SYN2: variants seen among roughly 807,000 people sequenced by gnomAD.
SYN2 encodes the protein synapsin-2.
In SYN2, 19 loss-of-function variants were observed where a neutral mutation model predicts 50.9. That is an observed-to-expected ratio of 0.37 (90% confidence interval 0.26 to 0.55). The LOEUF (loss-of-function observed/expected upper bound fraction) is 0.55, where lower values mean the gene tolerates loss of function less well. Ranked by LOEUF, SYN2 falls within the 20% of genes least tolerant of loss-of-function variation. The pLI is 0.81. For synonymous variants in SYN2, 255 were observed against 224.9 expected (o/e 1.13, Z -1.20); for missense variants, 587 against 576.4 (o/e 1.02, Z -0.19).
At chr3:12,092,700 C>T (rs562418932) in intron 1 of SYN2, among the ~76,000 whole-genome samples, 2 of 152,276 alleles carry the variant, frequency 1.3e-5, no homozygotes, top group South Asian at 4.1e-4. Context: ...GACTGTGTTT[C>T]ATATGTCATT....
chr3:12,114,637 TG>T, intron 1 of SYN2, among the ~76,000 whole-genome samples: 1 of 152,274 alleles, frequency 6.6e-6, no homozygotes, highest in Non-Finnish European at 1.5e-5. Context: ...AGAATCTAGG[TG>T]GGGGGTTCTC....
chr3:12,108,244 A>G (rs1292442166), intron 1 of SYN2, among the ~76,000 whole-genome samples: 1 of 152,202 alleles, frequency 6.6e-6, no homozygotes, highest in Non-Finnish European at 1.5e-5. Context: ...ACCAACTCTT[A>G]GGAGCATCAG....
In SYN2 at chr3:12,057,941, A is replaced by C. The variant is rs180786467; in HGVS notation, c.377+53013A>C. 3.3e-5 allele frequency among the ~76,000 whole-genome samples: 5 copies of C among 152,300 alleles called. No homozygotes were observed. In the East Asian group the frequency reaches 9.6e-4, roughly 29 times the overall value. ...ATAGTATTTCATCGTGTGGTCCTCT[A>C]TCTGCATCAAAATCACCTGGGATGC... is the stretch of plus-strand genomic sequence containing the variant. On this transcript the variant is annotated intron_variant, in intron 1 of 12. Coordinates refer to ENST00000621198, the MANE Select transcript of SYN2 (RefSeq NM_133625.6).
At chr3:12,048,429 A>G (rs187809609) in intron 1 of SYN2, among the ~76,000 whole-genome samples, 24 of 152,262 alleles carry the variant, frequency 1.6e-4, no homozygotes, top group African/African-American at 5.1e-4. Context: ...TGGCCTCCCA[A>G]AGGCCTCCTG....
At chr3:12,042,749 T>A (rs1334379165) in intron 1 of SYN2, among the ~76,000 whole-genome samples, 1 of 152,150 alleles carries the variant, frequency 6.6e-6, no homozygotes, top group Non-Finnish European at 1.5e-5. Flanking sequence ...ATCCAATGGC[T>A]GGTGTCCTTA....
rs947765987 is a variant in SYN2 at position 12,135,596 on chromosome 3, T to C, written c.378-5055T>C. Reference sequence around the variant, plus strand: ...ATTCCAGTCATCCTGGGAGGATTTATACTCTAGGCTCTTTCAGGTCCATTA... The same window carrying C: ...ATTCCAGTCATCCTGGGAGGATTTACACTCTAGGCTCTTTCAGGTCCATTA... On this transcript the variant is annotated intron_variant, in intron 1 of 12. Coordinates refer to ENST00000621198, the MANE Select transcript of SYN2 (RefSeq NM_133625.6). Among the ~76,000 whole-genome samples the C allele has an allele frequency of 6.6e-5, 10 of 152,356 alleles. No homozygotes were observed. The South Asian group carries it at 2.1e-3, about 32-fold the overall frequency.
chr3:12,073,361 C>T (rs1440641460), intron 1 of SYN2, among the ~76,000 whole-genome samples: 1 of 152,156 alleles, frequency 6.6e-6, no homozygotes. Context: ...AATCAGCTCA[C>T]CTGTATGTAT....
At chr3:12,129,929 T>C (rs1696757721) in intron 1 of SYN2, among the ~76,000 whole-genome samples, 1 of 152,050 alleles carries the variant, frequency 6.6e-6, no homozygotes, top group Non-Finnish European at 1.5e-5. Flanking sequence ...GGTGTTAGTG[T>C]CCTCATAAGA....
At chr3:12,070,322 C>T (rs544575584) in intron 1 of SYN2, 8 of 504,948 alleles carry the variant, frequency 1.6e-5, no homozygotes. Context: ...GTGTTCCCCT[C>T]CATCCTTAGG....
chr3:12,058,538 C>T (rs537402141), intron 1 of SYN2, among the ~76,000 whole-genome samples: 2 of 152,228 alleles, frequency 1.3e-5, no homozygotes, highest in South Asian at 4.1e-4. Context: ...CAATTATTTC[C>T]ACTTACTCTA....
At chr3:12,016,507 CTT>C (rs1694032295) in intron 1 of SYN2, among the ~76,000 whole-genome samples, 1 of 152,206 alleles carries the variant, frequency 6.6e-6, no homozygotes, top group African/African-American at 2.4e-5. Context: ...TGCCAACTAA[CTT>C]TTTGTGTCAC....
intron 7 of SYN2, among the ~76,000 whole-genome samples, chr3:12,166,637 T>C (rs980688773): frequency 2.0e-5 from 3 of 152,224 alleles, no homozygotes; most frequent in African/African-American, 7.2e-5. Context: ...GTTAATTGAC[T>C]TCCCCAGAGT....
intron 5 of SYN2, among the ~76,000 whole-genome samples, chr3:12,152,200 A>G (rs1029543828): frequency 4.6e-5 from 7 of 152,154 alleles, no homozygotes; most frequent in African/African-American, 9.7e-5. Flanking sequence ...CACATTGTGC[A>G]TGGCCCTGCT....
intron 1 of SYN2, among the ~76,000 whole-genome samples, chr3:12,066,609 A>G (rs188755823): frequency 3.3e-4 from 51 of 152,276 alleles, no homozygotes; most frequent in African/African-American, 1.2e-3. Flanking sequence ...CCTTACCCTT[A>G]CATTTGTGTA....
In SYN2 at chr3:12,185,670, C is replaced by T. The variant is rs1037225057; in HGVS notation, c.1370-1699C>T. On this transcript the variant is annotated intron_variant, in intron 11 of 12. Coordinates refer to ENST00000621198, the MANE Select transcript of SYN2 (RefSeq NM_133625.6). ...CAATGCTGGAAGTATGATTGAAGTA[C>T]CTCTCTTTTGTGACTCTTGTACAGC... 24 of 985,836 alleles carry T rather than the reference C, an allele frequency of 2.4e-5. 1 individual carries two copies. In the African/African-American group the frequency reaches 4.0e-4, roughly 16 times the overall value. 61.1% of individuals were successfully genotyped at this position (985,836 alleles called of 1,614,324 possible).
At chr3:12,183,875 C>T in intron 11 of SYN2, 1 of 1,020,226 alleles carries the variant, frequency 9.8e-7, no homozygotes, top group Non-Finnish European at 1.2e-6. Context: ...AAATCCCCCA[C>T]CTCCAACTTT....
At chr3:12,066,618 T>A (rs959912142) in intron 1 of SYN2, among the ~76,000 whole-genome samples, 1 of 152,166 alleles carries the variant, frequency 6.6e-6, no homozygotes, top group Non-Finnish European at 1.5e-5. Flanking sequence ...TACATTTGTG[T>A]ACTTATATCA....
chr3:12,183,791 T>G, intron 11 of SYN2: 1 of 1,060,360 alleles, frequency 9.4e-7, no homozygotes, highest in Non-Finnish European at 1.1e-6. Flanking sequence ...GAAATGGGAG[T>G]AGGGGGGTGG....
chr3:12,178,836 T>G (rs1030822714), intron 10 of SYN2, among the ~76,000 whole-genome samples: 5 of 152,260 alleles, frequency 3.3e-5, no homozygotes, highest in Non-Finnish European at 1.5e-5. Flanking sequence ...AAATGTATCT[T>G]TGTTTCACAT....
Sources: gnomAD v4.1 joint callset for allele counts (sites outside exome capture counted in the v4.1 genomes callset) on GRCh38, gnomAD v4.1.1 for gene constraint, MANE v1.5 for transcripts, NCBI Gene and HGNC (gene_info 2026-07-23, HGNC 2026-07-21) for gene names.